DLGAP2: variants seen among roughly 807,000 people sequenced by gnomAD.
DLGAP2 encodes the protein disks large-associated protein 2.
A neutral mutation model predicts 100.3 loss-of-function variants in DLGAP2; 26 were observed. The ratio of observed to expected loss-of-function variants is 0.26; its 90% CI spans 0.19 to 0.36. DLGAP2 has a LOEUF of 0.36. DLGAP2 is among the 10% of genes least tolerant of loss of function. DLGAP2 has a pLI of 1.00. For synonymous variants in DLGAP2, 886 were observed against 630.1 expected, an observed-to-expected ratio of 1.41 and a Z score of -6.08; for missense variants, 1,858 against 1,453.2, an observed-to-expected ratio of 1.28 and a Z score of -4.53.
At chr8:853,645 G>T in intron 1 of DLGAP2, among the ~76,000 whole-genome samples, 1 of 152,208 alleles carries the variant, frequency 6.6e-6, no homozygotes, top group East Asian at 1.9e-4. Context: ...GCAAGCAGCC[G>T]TTCTAGGGAG....
intron 2 of DLGAP2, among the ~76,000 whole-genome samples, chr8:1,182,909 G>A (rs558237860): frequency 7.9e-5 from 12 of 152,192 alleles, no homozygotes; most frequent in Non-Finnish European, 1.6e-4. Flanking sequence ...TCAGGATGCA[G>A]TGAGCGCACA....
chr8:997,818 A>G (rs1446995542), intron 2 of DLGAP2, among the ~76,000 whole-genome samples: 4 of 152,212 alleles, frequency 2.6e-5, no homozygotes, highest in Non-Finnish European at 4.4e-5. Flanking sequence ...ATACCTATGC[A>G]TACATACAAA....
chr8:1,032,568 G>T (rs1802006516), intron 2 of DLGAP2: 1 of 152,172 alleles, frequency 6.6e-6, no homozygotes, highest in South Asian at 2.1e-4. Context: ...ACATTTTCTG[G>T]TCTGTTTTTC....
intron 2 of DLGAP2, among the ~76,000 whole-genome samples, chr8:1,227,834 G>A (rs1798453255): frequency 1.3e-5 from 2 of 152,140 alleles, no homozygotes; most frequent in Non-Finnish European, 2.9e-5. Context: ...CATACAACAG[G>A]AGAATTATAG....
chr8:791,709 T>C (rs1202542442), intron 1 of DLGAP2, among the ~76,000 whole-genome samples: 3 of 152,346 alleles, frequency 2.0e-5, no homozygotes, highest in South Asian at 4.1e-4. Context: ...TAAAAAACTT[T>C]TTTATTTGGG....
chr8:1,309,299 C>T (rs1439752685), intron 3 of DLGAP2, among the ~76,000 whole-genome samples: 1 of 152,092 alleles, frequency 6.6e-6, no homozygotes, highest in Non-Finnish European at 1.5e-5. Context: ...TTGCAAAAGA[C>T]ATGTTATAAT....
intron 6 of DLGAP2, among the ~76,000 whole-genome samples, chr8:1,616,172 T>C (rs1468057994): frequency 2.0e-5 from 3 of 152,012 alleles, no homozygotes; most frequent in Non-Finnish European, 4.4e-5. Flanking sequence ...GCTTAGTAAT[T>C]TGAAAATGAA....
chr8:1,430,233 G>A (rs147957580), intron 3 of DLGAP2, among the ~76,000 whole-genome samples: 1 of 151,180 alleles, frequency 6.6e-6, no homozygotes, highest in Non-Finnish European at 1.5e-5. Flanking sequence ...GATTCCTTTG[G>A]TTAGATTTTA....
At chr8:1,434,664 TG>T in intron 3 of DLGAP2, among the ~76,000 whole-genome samples, 1 of 152,094 alleles carries the variant, frequency 6.6e-6, no homozygotes, top group Non-Finnish European at 1.5e-5. Flanking sequence ...TTAGTAGAGA[TG>T]GGGTGTCACT....
At chr8:1,230,375 C>A (rs922137065) in intron 2 of DLGAP2, among the ~76,000 whole-genome samples, 3 of 152,092 alleles carry the variant, frequency 2.0e-5, no homozygotes, top group African/African-American at 7.2e-5. Context: ...GCACAAGCAA[C>A]CAAAAACATT....
At chr8:1,169,961 A>C (rs1297701283) in intron 2 of DLGAP2, among the ~76,000 whole-genome samples, 1 of 151,894 alleles carries the variant, frequency 6.6e-6, no homozygotes, top group Non-Finnish European at 1.5e-5. Context: ...GTCTTGTGCC[A>C]GTTTTCAAAG....
intron 2 of DLGAP2, among the ~76,000 whole-genome samples, chr8:1,055,336 C>T (rs1802847248): frequency 6.6e-6 from 1 of 152,186 alleles, no homozygotes; most frequent in Admixed American, 6.5e-5. Context: ...TTTCTGTTTT[C>T]CATTTCAAAT....
At chr8:1,083,908 C>T (rs903292843) in intron 2 of DLGAP2, among the ~76,000 whole-genome samples, 1 of 152,144 alleles carries the variant, frequency 6.6e-6, no homozygotes. Context: ...GTTCGTGTTC[C>T]TAGCAAAATG....
intron 3 of DLGAP2, among the ~76,000 whole-genome samples, chr8:1,477,799 G>GAAA (rs11394185): frequency 1.1e-4 from 17 of 148,406 alleles, no homozygotes; most frequent in Admixed American, 4.0e-4. Flanking sequence ...AGGTGAGAAA[G>GAAA]AAAAAAAAAA....
intron 12 of DLGAP2, among the ~76,000 whole-genome samples, chr8:1,681,015 A>G (rs1181273172): frequency 6.6e-6 from 1 of 152,068 alleles, no homozygotes; most frequent in Non-Finnish European, 1.5e-5. Flanking sequence ...TGTTTCCTCA[A>G]AAGAACACCT....
At chr8:1,622,636 G>C (rs1177222682) in intron 6 of DLGAP2, among the ~76,000 whole-genome samples, 2 of 152,126 alleles carry the variant, frequency 1.3e-5, no homozygotes, top group Non-Finnish European at 2.9e-5. Context: ...GCCTGTTTGT[G>C]GATGACAATC....
intron 2 of DLGAP2, among the ~76,000 whole-genome samples, chr8:1,043,166 G>A (rs1174352449): frequency 4.0e-5 from 5 of 126,164 alleles, no homozygotes; most frequent in African/African-American, 8.7e-5. Context: ...TGGTGGACGT[G>A]GGTGGTGGGT....
Position 1,516,861 on chromosome 8 carries a change from A to G in DLGAP2, c.172+15430A>G, listed in dbSNP as rs575766935. On this transcript the variant is annotated intron_variant, in intron 4 of 14. Transcript: ENST00000637795. The stretch of plus-strand genomic sequence containing the variant: ...CTTTTTTTGTGCTGAAATTAGTTTT[A>G]AGCAGGTGAAACTCCCTACAGCTTC... 1.2e-4 allele frequency among the ~76,000 whole-genome samples: 18 copies of G among 152,320 alleles called. 1 individual carries two copies. In the South Asian group the frequency reaches 3.7e-3, roughly 32 times the overall value.
intron 3 of DLGAP2, among the ~76,000 whole-genome samples, chr8:1,372,876 T>G (rs1802279773): frequency 6.6e-6 from 1 of 152,214 alleles, no homozygotes; most frequent in Non-Finnish European, 1.5e-5. Flanking sequence ...GTTTCATTCT[T>G]CCTTGTGAAA....
Sources: allele counts gnomAD v4.1 joint callset (sites outside exome capture counted in the v4.1 genomes callset), GRCh38; gene constraint gnomAD v4.1.1; transcripts MANE v1.5; gene names NCBI Gene and HGNC (gene_info 2026-07-23, HGNC 2026-07-21).